Variants in ERMN observed in about 807,000 individuals in gnomAD.
ERMN encodes ermin.
In ERMN, 17 loss-of-function variants were observed where a neutral mutation model predicts 21.4. That is an observed-to-expected ratio of 0.80 (90% CI 0.54 to 1.19). The LOEUF (loss-of-function observed/expected upper bound fraction) is 1.19, where lower values mean the gene tolerates loss of function less well. ERMN is among the 50% of genes most tolerant of loss of function. The pLI is 0.00. For synonymous variants in ERMN, 115 were observed against 111.9 expected, an observed-to-expected ratio of 1.03 and a Z score of -0.17; for missense variants, 348 against 331.6, an observed-to-expected ratio of 1.05 and a Z score of -0.38.
In ERMN at chr2:157,321,464, T is replaced by C. The variant is rs768907980; in HGVS notation, c.662A>G (p.Asp221Gly). 2 of 1,614,144 alleles carry C rather than the reference T, an allele frequency of 1.2e-6. No homozygotes were observed. The change falls in exon 3 of 3, where the codon GAT becomes GGT. Residue 221 changes from aspartate (D) to glycine (G), a missense_variant. Coordinates refer to ENST00000410096, the MANE Select transcript of ERMN (RefSeq NM_020711.3). ...GCTCAGTGGGGAGTCCTCACTTGCA[T>C]CACCTTCCTCTTTAAATTGAGAAAC... ...EEVSQFKEEG[D>G]ASEDSPLSSA...
chr2:157,321,747 T>C lies in ERMN; in HGVS notation c.379A>G (p.Ile127Val). ...KIPLSGSNQE[I>V]RRQKERITEQ... ...GTAATCCTCTCCTTCTGTCTTCTTA[T>C]TTCCTGGTTACTGCCACTCAGAGGA... The change falls in exon 3 of 3, where the codon ATA becomes GTA. Residue 127 changes from isoleucine (I) to valine (V), a missense_variant. Physicochemically the swap from Ile to Val is conservative, Grantham distance 29. Coordinates refer to ENST00000410096, the MANE Select transcript of ERMN (RefSeq NM_020711.3). The C allele has an allele frequency of 6.2e-7, 1 of 1,613,208 alleles. No homozygotes were observed. The highest frequency in any genetic ancestry group is 8.5e-7 in the Non-Finnish European group (1 of 1,179,864).
At chr2:157,326,341 C>A (rs148298088), upstream of ERMN, among the ~76,000 whole-genome samples, 745 of 152,304 alleles carry the variant, frequency 4.9e-3, 5 homozygotes, top group Non-Finnish European at 7.8e-3. Flanking sequence ...GGAGAAGGGA[C>A]CTATGAAATA....
upstream of ERMN, chr2:157,327,317 C>T (rs1684091119): frequency 1.2e-4 from 71 of 613,690 alleles, 2 homozygotes; most frequent in South Asian, 1.3e-3. Context: ...TCTAATAGAT[C>T]CTAGATCTCC....
rs1684055895 is a variant in ERMN, at chr2:157,325,746, T to C, written c.-104A>G. The C allele has an allele frequency of 6.3e-7, 1 of 1,577,890 alleles. No homozygotes were observed. Among genetic ancestry groups the C allele is most frequent in the Non-Finnish European group, 8.6e-7 (1 of 1,161,234 alleles). On this transcript the variant is annotated 5_prime_UTR_variant, in exon 1 of 3. Coordinates refer to ENST00000410096, the MANE Select transcript of ERMN (RefSeq NM_020711.3). ...TGCCTTCAAGTCCTATAGTTCCAAC[T>C]CCTACTCTAAGAGCACAAATTATTC...
chr2:157,321,636 T>A lies in ERMN; in HGVS notation c.490A>T (p.Lys164Ter), dbSNP rs776437441. 24 of 1,613,996 alleles carry A rather than the reference T, an allele frequency of 1.5e-5. No individual in the cohort carries two copies. The highest frequency in any genetic ancestry group is 2.0e-5 in the Non-Finnish European group (24 of 1,180,004). The change falls in exon 3 of 3, where the codon AAA (lysine) becomes TAA (stop). Residue 164 changes from lysine (K) to a stop codon, truncating the protein, a stop_gained. Transcript: ENST00000410096. LOFTEE classifies it high-confidence loss of function. The part of the protein sequence containing the change: ...AAEIEWLGFR[K>*]PSQADMLHSK... ...TGTAACATGTCAGCTTGGCTAGGTT[T>A]TCGAAATCCCAGCCATTCAATTTCA...
Position 157,319,877 on chromosome 2 carries a change from T to C in ERMN, c.*1394A>G, listed in dbSNP as rs1434954287. 19 of 152,152 alleles carry C rather than the reference T, an allele frequency of 1.2e-4. 1 individual carries two copies. Among genetic ancestry groups the C allele is most frequent in the Admixed American group, 1.2e-3 (19 of 15,254 alleles). The allele number at this position is 152,152 out of a possible 1,614,324, so 9.4% of individuals were successfully genotyped here. A position where few individuals can be genotyped will look rare whatever the true frequency, so the allele number is the denominator to read the frequency against. Reference sequence around the variant, plus strand: ...GAAGTTGTCATTAGAATATGTGGGATTTATGTTACACATAAATAAGCAGTC... The same window carrying C: ...GAAGTTGTCATTAGAATATGTGGGACTTATGTTACACATAAATAAGCAGTC... On this transcript the variant is annotated 3_prime_UTR_variant, in exon 3 of 3. Coordinates refer to ENST00000410096, the MANE Select transcript of ERMN (RefSeq NM_020711.3).
chr2:157,326,993 C>T (rs945038798), upstream of ERMN, among the ~76,000 whole-genome samples: 1 of 151,972 alleles, frequency 6.6e-6, no homozygotes, highest in African/African-American at 2.4e-5. Context: ...CATGTGTCCC[C>T]AGCACTTAGC....
intron 2 of ERMN, chr2:157,324,281 A>G: frequency 4.9e-6 from 1 of 202,204 alleles, no homozygotes; most frequent in South Asian, 6.7e-5. Context: ...TCAAAAAAAA[A>G]AAAAAAAGCT....
chr2:157,324,733 G>A lies in ERMN; in HGVS notation c.271C>T (p.His91Tyr). The A allele has an allele frequency of 6.2e-7, 1 of 1,612,110 alleles. No homozygotes were observed. Among genetic ancestry groups the A allele is most frequent in the Non-Finnish European group, 8.5e-7 (1 of 1,179,162 alleles). ...ENPEEKLFIV[H>Y]KAITDLSLQE... ...AGAGAAAGATCTGTGATAGCCTTAT[G>A]AACAATAAAGAGTTTCTCTTCTGGG... The change falls in exon 2 of 3, where the codon CAT becomes TAT. Residue 91 changes from histidine to tyrosine, a missense_variant. By Grantham distance (83) the His-to-Tyr change is moderately conservative. Transcript: ENST00000410096.
upstream of ERMN, chr2:157,327,228 G>A (rs1574050824): frequency 2.3e-6 from 1 of 428,894 alleles, no homozygotes; most frequent in East Asian, 4.0e-5. Flanking sequence ...TGTGTCTAGG[G>A]CTGAGCCCAT....
In ERMN at chr2:157,321,662, G is replaced by C. The variant is rs1477024826; in HGVS notation, c.464C>G (p.Ala155Gly). The change falls in exon 3 of 3, where the codon GCT (alanine) becomes GGT (glycine). Residue 155 changes from alanine (A) to glycine (G), a missense_variant. Physicochemically the swap from Ala to Gly is moderately conservative, Grantham distance 60 (BLOSUM62 0). Transcript: ENST00000410096. ...TCGAAATCCCAGCCATTCAATTTCA[G>C]CTGCCTGGTGACCTTTGTTCTTCCT... The part of the protein sequence containing the change: ...EDRKNKGHQA[A>G]EIEWLGFRKP... 2.5e-6 allele frequency: 4 copies of C among 1,613,918 alleles called. No homozygotes were observed. The African/African-American group carries it at 5.3e-5, about 22-fold the overall frequency.
At chr2:157,325,248 C>A in intron 1 of ERMN, 154 bp downstream of exon 1, 1 of 1,039,190 alleles carries the variant, frequency 9.6e-7, no homozygotes, top group Non-Finnish European at 1.5e-6. Flanking sequence ...TGGATTTCAC[C>A]AGAGGCAGAG....
At chr2:157,322,265 CA>C (rs1235462674) in intron 2 of ERMN, among the ~76,000 whole-genome samples, 5 of 151,954 alleles carry the variant, frequency 3.3e-5, no homozygotes, top group African/African-American at 1.2e-4. Context: ...CACACACACA[CA>C]CACACACCTC....
intron 1 of ERMN, 23 bp from the exon 2 acceptor site, chr2:157,324,785 G>A (rs766621268): frequency 6.7e-7 from 1 of 1,493,558 alleles, no homozygotes; most frequent in South Asian, 1.2e-5. Context: ...TATAAAATCA[G>A]TATTTTAACA....
upstream of ERMN, chr2:157,325,948 T>A: frequency 1.6e-6 from 2 of 1,269,066 alleles, no homozygotes; most frequent in Non-Finnish European, 2.0e-6. Flanking sequence ...TTGATTTACA[T>A]AAACAAACAA....
upstream of ERMN, among the ~76,000 whole-genome samples, chr2:157,326,842 T>G (rs965742786): frequency 6.6e-6 from 1 of 152,134 alleles, no homozygotes; most frequent in African/African-American, 2.4e-5. Flanking sequence ...AGGACAGGAC[T>G]CTGTTACACA....
chr2:157,321,841 C>A, intron 2 of ERMN, 50 bp from the exon 3 acceptor site: 1 of 1,467,202 alleles, frequency 6.8e-7, no homozygotes, highest in Middle Eastern at 1.8e-4. Context: ...TCCAAAATAC[C>A]CAGCCATTAG....
At chr2:157,325,348 A>G (rs1247797350) in intron 1 of ERMN, 54 bp downstream of exon 1, 48 of 1,607,996 alleles carry the variant, frequency 3.0e-5, no homozygotes, top group Non-Finnish European at 3.9e-5. Context: ...AAAAAAATCC[A>G]GGGTAAATTT....
upstream of ERMN, chr2:157,326,010 G>C: frequency 1.0e-5 from 10 of 976,478 alleles, no homozygotes; most frequent in Non-Finnish European, 1.1e-5. Flanking sequence ...CTTTCAGCTT[G>C]TCAGTCCCCC....
Sources: gnomAD v4.1 joint callset for allele counts (sites outside exome capture counted in the v4.1 genomes callset) on GRCh38, gnomAD v4.1.1 for gene constraint, MANE v1.5 for transcripts, NCBI Gene and HGNC (gene_info 2026-07-23, HGNC 2026-07-21) for gene names.